GSN: variants seen among roughly 807,000 people sequenced by gnomAD.
The protein encoded by GSN is actin-depolymerizing factor.
GSN carries 56 observed loss-of-function variants against 85.7 expected under a neutral mutation model. The ratio of observed to expected loss-of-function variants is 0.65; its 90% confidence interval spans 0.53 to 0.82. The LOEUF is 0.82. Among genes scored for constraint, GSN ranks in the 40% least tolerant of loss-of-function variants. The pLI, the probability that GSN is intolerant of heterozygous loss-of-function variation, is 0.00. For missense variants in GSN, 857 were observed against 979.8 expected, an observed-to-expected ratio of 0.87 and a Z score of 1.67; for synonymous variants, 373 against 399.1, an observed-to-expected ratio of 0.93 and a Z score of 0.78.
intron 6 of GSN, among the ~76,000 whole-genome samples, chr9:121,256,732 A>C (rs10818522): frequency 0.38 from 57,475 of 151,840 alleles, 13,545 homozygotes; most frequent in East Asian, 0.62. Flanking sequence ...ACAACAACAA[A>C]AAAAAAATTA....
the GSN span, among the ~76,000 whole-genome samples, chr9:121,202,114 C>T: frequency 2.0e-5 from 3 of 152,208 alleles, no homozygotes; most frequent in Admixed American, 2.0e-4. Context: ...AGTCGCGTGT[C>T]CTCGCCTCTT....
At chr9:121,291,580 G>A (rs1974095) in intron 2 of GSN, among the ~76,000 whole-genome samples, 63,220 of 151,654 alleles carry the variant, frequency 0.42, 14,490 homozygotes, top group East Asian at 0.62. Flanking sequence ...CACCATGCCC[G>A]GCTAATTTTT....
chr9:121,284,356 G>C (rs759799077), intron 2 of GSN: 2 of 166,890 alleles, frequency 1.2e-5, no homozygotes, highest in Admixed American at 6.5e-5. Context: ...ACTTTCCCAG[G>C]ATTCTCTCAG....
intron 5 of GSN, among the ~76,000 whole-genome samples, chr9:121,231,746 G>C (rs184817447): frequency 6.6e-6 from 1 of 152,180 alleles, no homozygotes; most frequent in South Asian, 2.1e-4. Context: ...ATGAAAAAGA[G>C]AGAGAGAAGG....
intron 1 of GSN, chr9:121,280,081 T>C (rs760054150): frequency 3.9e-5 from 6 of 152,240 alleles, no homozygotes; most frequent in Non-Finnish European, 8.8e-5. Flanking sequence ...GGCTTGTTTG[T>C]GTCTTAATCC....
intron 4 of GSN, among the ~76,000 whole-genome samples, chr9:121,212,217 A>T (rs1292481781): frequency 6.6e-6 from 1 of 152,222 alleles, no homozygotes; most frequent in Non-Finnish European, 1.5e-5. Context: ...TTCAGAGCTC[A>T]CACTGGAAAC....
intron 5 of GSN, among the ~76,000 whole-genome samples, chr9:121,247,399 C>T (rs1386487196): frequency 1.3e-5 from 2 of 152,234 alleles, no homozygotes; most frequent in Non-Finnish European, 2.9e-5. Context: ...TACAACGCAA[C>T]AACTGTAGCC....
At chr9:121,286,314 C>T in intron 2 of GSN, 1 of 653,900 alleles carries the variant, frequency 1.5e-6, no homozygotes, top group South Asian at 1.9e-5. Context: ...GAGATGAAAC[C>T]AGTTCCAATT....
intron 2 of GSN, among the ~76,000 whole-genome samples, chr9:121,295,278 G>A (rs188309999): frequency 2.0e-5 from 3 of 152,296 alleles, no homozygotes; most frequent in African/African-American, 7.2e-5. Context: ...AGGGCTTGCC[G>A]GAACTTTTCC....
intron 4 of GSN, among the ~76,000 whole-genome samples, chr9:121,216,310 C>T (rs545024708): frequency 6.6e-6 from 1 of 152,200 alleles, no homozygotes; most frequent in African/African-American, 2.4e-5. Flanking sequence ...GCAAATCCAA[C>T]TATGTCACTC....
chr9:121,281,755 C>T (rs1384383700), intron 2 of GSN, 193 bp downstream of exon 2: 10 of 470,968 alleles, frequency 2.1e-5, no homozygotes, highest in East Asian at 6.9e-5. Flanking sequence ...GGAGGTCAGG[C>T]GAGAGTGATC....
At chr9:121,298,497 C>T (rs890146214) in intron 2 of GSN, among the ~76,000 whole-genome samples, 1 of 152,144 alleles carries the variant, frequency 6.6e-6, no homozygotes, top group Non-Finnish European at 1.5e-5. Flanking sequence ...GCTGGACTTC[C>T]GGAAGAGCTG....
rs2064033991 is a variant in GSN, at chr9:121,332,363, G to A, written c.2027-71G>A. ...TCTTCTTTGTCAACTCCTGTCCTGA[G>A]TCACCCTCTCCCTGGTGTGGGAGGC... On this transcript the variant is annotated intron_variant, in intron 17 of 17. Coordinates refer to ENST00000432226, the MANE Select transcript of GSN (RefSeq NM_198252.3). The surrounding 1 kb of genome is among the most constrained non-coding windows in gnomAD (Gnocchi z 4.8). 9.6e-6 allele frequency: 13 copies of A among 1,351,836 alleles called. No homozygotes were observed. Among genetic ancestry groups the A allele is most frequent in the African/African-American group, 2.9e-5 (2 of 70,110 alleles). The allele number at this position is 1,351,836 out of a possible 1,614,324, so 83.7% of individuals were successfully genotyped here. A position where few individuals can be genotyped will look rare whatever the true frequency, so the allele number is the denominator to read the frequency against.
upstream of GSN, chr9:121,268,070 C>T (rs926974886): frequency 6.6e-6 from 1 of 151,606 alleles, no homozygotes; most frequent in Non-Finnish European, 1.5e-5. Flanking sequence ...CTCCCCCACC[C>T]GCCTGCCCGG....
At chr9:121,222,654 C>G (rs893731883) in intron 4 of GSN, among the ~76,000 whole-genome samples, 1 of 152,180 alleles carries the variant, frequency 6.6e-6, no homozygotes, top group Admixed American at 6.5e-5. Context: ...ACAGCACCAA[C>G]GTATGTTAGC....
chr9:121,315,626 G>T (rs959455890), intron 7 of GSN, among the ~76,000 whole-genome samples: 3 of 152,050 alleles, frequency 2.0e-5, no homozygotes, highest in Admixed American at 6.5e-5. Flanking sequence ...TTAGCCAGGC[G>T]TGGTGGCGGG....
chr9:121,318,368 G>A lies in GSN; in HGVS notation c.887-38G>A. 6.7e-7 allele frequency: 1 copy of A among 1,502,842 alleles called. No homozygotes were observed. Among genetic ancestry groups the A allele is most frequent in the Non-Finnish European group, 9.3e-7 (1 of 1,078,390 alleles). 93.1% of individuals were successfully genotyped at this position (1,502,842 alleles called of 1,614,324 possible). On this transcript the variant is annotated intron_variant, in intron 8 of 17. Transcript: ENST00000432226. The surrounding 1 kb of genome is among the most constrained non-coding windows in gnomAD (Gnocchi z 4.3). ...AGGTCAGGATGCAGCAGGATCCCGG[G>A]CCTCTAACCCTCCATCACTTCCTCT...
chr9:121,326,081 C>T (rs10985209), intron 12 of GSN, among the ~76,000 whole-genome samples: 9,782 of 150,286 alleles, frequency 0.065, 395 homozygotes, highest in East Asian at 0.16. Context: ...ATCTGGGGTG[C>T]ACTGGCTCTG....
intron 5 of GSN, among the ~76,000 whole-genome samples, chr9:121,232,343 C>T (rs940296082): frequency 1.3e-5 from 2 of 152,166 alleles, no homozygotes; most frequent in Non-Finnish European, 2.9e-5. Flanking sequence ...TTAGGGCCCT[C>T]ACTATGATTG....
Sources: gnomAD v4.1 joint callset for allele counts (sites outside exome capture counted in the v4.1 genomes callset) on GRCh38, gnomAD v4.1.1 for gene constraint, Gnocchi (gnomAD v3.1) non-coding constraint, MANE v1.5 for transcripts, NCBI Gene and HGNC (gene_info 2026-07-23, HGNC 2026-07-21) for gene names.